The following CCDC12 variants were observed in gnomAD, a reference collection of about 807,000 sequenced individuals.
CCDC12 encodes the protein coiled-coil domain-containing protein 12.
In CCDC12, 28 loss-of-function variants were observed where a neutral mutation model predicts 25.7. The ratio of observed to expected loss-of-function variants is 1.09; its 90% confidence interval spans 0.81 to 1.50. The LOEUF is 1.50. Among genes scored for constraint, CCDC12 ranks in the 40% most tolerant of loss-of-function variants. The pLI, the probability that CCDC12 is intolerant of heterozygous loss-of-function variation, is 0.00. For synonymous variants in CCDC12, 75 were observed against 87.7 expected (o/e 0.86, Z 0.81); for missense variants, 198 against 210.0 (o/e 0.94, Z 0.35).
chr3:46,943,419 G>T (rs527891510), intron 1 of CCDC12, among the ~76,000 whole-genome samples: 21 of 152,328 alleles, frequency 1.4e-4, no homozygotes, highest in East Asian at 9.7e-4. Context: ...CCTGCCCTGG[G>T]TAAGGGCAGA....
At chr3:46,959,519 G>C (rs766415837) in intron 1 of CCDC12, among the ~76,000 whole-genome samples, 13 of 152,132 alleles carry the variant, frequency 8.5e-5, no homozygotes, top group Non-Finnish European at 1.3e-4. Context: ...CGTGACAAAG[G>C]GGTCACATAA....
chr3:46,957,739 C>T (rs996971945), intron 1 of CCDC12, among the ~76,000 whole-genome samples: 1 of 151,990 alleles, frequency 6.6e-6, no homozygotes, highest in Non-Finnish European at 1.5e-5. Context: ...GTCAGGAGTT[C>T]GAGACCAGGC....
Position 46,921,791 on chromosome 3 carries a change from T to C in CCDC12, c.*266A>G, listed in dbSNP as rs1221461401. The C allele has an allele frequency of 4.3e-6, 2 of 469,400 alleles. No homozygotes were observed. The highest frequency in any genetic ancestry group is 7.6e-6 in the Non-Finnish European group (2 of 264,306). 29.1% of individuals were successfully genotyped at this position (469,400 alleles called of 1,614,324 possible). On this transcript the variant is annotated 3_prime_UTR_variant, in exon 7 of 7. Transcript: ENST00000683445. ...ATTTTTTTTTAGAAAGTTCAAAATA[T>C]ATACATATATACAGACATATGTACA... is the stretch of plus-strand genomic sequence containing the variant.
chr3:46,922,202 G>A (rs1049791212), intron 6 of CCDC12, 34 bp downstream of exon 6: 1 of 1,614,070 alleles, frequency 6.2e-7, no homozygotes. Flanking sequence ...CCACCCAGTG[G>A]GCAGGACCCC....
chr3:46,972,322 A>T (rs953769632), intron 1 of CCDC12, among the ~76,000 whole-genome samples: 6 of 152,140 alleles, frequency 3.9e-5, no homozygotes, highest in South Asian at 2.1e-4. Flanking sequence ...ATTAATTTTT[A>T]AAAAAATGAC....
chr3:46,955,758 G>A (rs2385869), intron 1 of CCDC12, among the ~76,000 whole-genome samples: 144,783 of 152,330 alleles, frequency 0.95, 69,262 homozygotes, highest in East Asian at 1. Flanking sequence ...GGGGCCCCCC[G>A]AAAAACAAGC....
chr3:46,963,823 C>T (rs1373850772), intron 1 of CCDC12, among the ~76,000 whole-genome samples: 1 of 152,262 alleles, frequency 6.6e-6, no homozygotes, highest in African/African-American at 2.4e-5. Context: ...CACCTCCCAG[C>T]CGCCTGCCTT....
At chr3:46,938,019 A>T (rs2033521781) in intron 2 of CCDC12, among the ~76,000 whole-genome samples, 1 of 152,210 alleles carries the variant, frequency 6.6e-6, no homozygotes, top group African/African-American at 2.4e-5. Flanking sequence ...CCACCTGCCC[A>T]AAGTCTCTAG....
At chr3:46,975,730 A>G (rs964871038) in intron 1 of CCDC12, among the ~76,000 whole-genome samples, 1 of 147,892 alleles carries the variant, frequency 6.8e-6, no homozygotes, top group Non-Finnish European at 1.5e-5. Flanking sequence ...ACAGAGTTTC[A>G]CCGTGTTAGC....
At chr3:46,976,363 C>T (rs2034988757) in intron 1 of CCDC12, 4 of 1,367,884 alleles carry the variant, frequency 2.9e-6, no homozygotes, top group Non-Finnish European at 2.8e-6. Context: ...ACGAGCAACA[C>T]CCGGGAAGCA....
intron 1 of CCDC12, among the ~76,000 whole-genome samples, chr3:46,974,995 C>T (rs927613540): frequency 1.3e-5 from 2 of 152,196 alleles, no homozygotes; most frequent in African/African-American, 4.8e-5. Context: ...AAAAAGCAAA[C>T]TAGGGTTTGC....
Position 46,976,561 on chromosome 3 carries a change from C to G in CCDC12, c.96+76G>C. ...CGGCAGCTGTCTTTCCTTATTAGCC[C>G]TTTGCTCTCCTCAAGCGCGACCCGG... On this transcript the variant is annotated intron_variant, in intron 1 of 6. Coordinates refer to ENST00000683445, the MANE Select transcript of CCDC12 (RefSeq NM_001277074.2). The G allele has an allele frequency of 1.9e-6, 3 of 1,542,012 alleles. No individual in the cohort carries two copies. The South Asian group carries it at 3.6e-5, about 18-fold the overall frequency.
In CCDC12 at chr3:46,946,916, A is replaced by G. The variant is rs57341796; in HGVS notation, c.97-5851T>C. Among the ~76,000 whole-genome samples, 317 of 152,310 alleles carry G rather than the reference A, an allele frequency of 2.1e-3. 3 individuals are homozygous for G. Among genetic ancestry groups the G allele is most frequent in the African/African-American group, 7.3e-3 (305 of 41,560 alleles). ...CTCAAACTTTTAGGAGCTGCTGACTAGAGCTCTCCCTTCCAGAAGGAAATA... is the reference window on the plus strand; with the variant it reads ...CTCAAACTTTTAGGAGCTGCTGACTGGAGCTCTCCCTTCCAGAAGGAAATA... On this transcript the variant is annotated intron_variant, in intron 1 of 6. Transcript: ENST00000683445.
chr3:46,960,965 G>A (rs1204638550), intron 1 of CCDC12, among the ~76,000 whole-genome samples: 1 of 152,024 alleles, frequency 6.6e-6, no homozygotes, highest in African/African-American at 2.4e-5. Context: ...GGGGGCATGT[G>A]GAGGGGTGCT....
intron 1 of CCDC12, among the ~76,000 whole-genome samples, chr3:46,975,679 C>T (rs1463120906): frequency 4.0e-5 from 6 of 151,704 alleles, no homozygotes; most frequent in Admixed American, 3.9e-4. Flanking sequence ...CACAGGCACC[C>T]GCCACCACGC....
chr3:46,921,856 G>A lies in CCDC12; in HGVS notation c.*201C>T. The A allele has an allele frequency of 1.7e-6, 1 of 605,678 alleles. No individual in the cohort carries two copies. Among genetic ancestry groups the A allele is most frequent in the East Asian group, 2.8e-5 (1 of 36,238 alleles). 37.5% of individuals were successfully genotyped at this position (605,678 alleles called of 1,614,324 possible). Reference sequence around the variant, plus strand: ...CACAGGCACGCCCAGAGTTGTTGCTGGTTCTGCCTCCATTCAGAATGGCAG... The same window carrying A: ...CACAGGCACGCCCAGAGTTGTTGCTAGTTCTGCCTCCATTCAGAATGGCAG... On this transcript the variant is annotated 3_prime_UTR_variant, in exon 7 of 7. Transcript: ENST00000683445.
At position 46,938,532 on chromosome 3, in the gene CCDC12, T is replaced by TG. The variant is rs1363394103; in HGVS notation, c.164+2465_164+2466insC. The stretch of plus-strand genomic sequence containing the variant: ...GTTCCCCTCCTGTTTTTTTTTTTTT[T>TG]TTTTTTTTTTTGGTACAACAAAATC... On this transcript the variant is annotated intron_variant, in intron 2 of 6. Coordinates refer to ENST00000683445, the MANE Select transcript of CCDC12 (RefSeq NM_001277074.2). Among the ~76,000 whole-genome samples the TG allele has an allele frequency of 2.0e-4, 29 of 146,866 alleles. No homozygotes were observed. The South Asian group carries it at 5.8e-3, about 30-fold the overall frequency.
intron 1 of CCDC12, among the ~76,000 whole-genome samples, chr3:46,965,749 C>CT (rs2034618176): frequency 6.6e-6 from 1 of 152,216 alleles, no homozygotes; most frequent in East Asian, 1.9e-4. Flanking sequence ...AAGGGATTGG[C>CT]CCTGTGTGAT....
At chr3:46,967,115 T>C (rs1003220902) in intron 1 of CCDC12, among the ~76,000 whole-genome samples, 3 of 152,092 alleles carry the variant, frequency 2.0e-5, no homozygotes, top group Non-Finnish European at 4.4e-5. Context: ...ATGTCTCTCT[T>C]CGCTTACCTG....
Sources: gnomAD v4.1 joint callset for allele counts (sites outside exome capture counted in the v4.1 genomes callset) on GRCh38, gnomAD v4.1.1 for gene constraint, MANE v1.5 for transcripts, NCBI Gene and HGNC (gene_info 2026-07-23, HGNC 2026-07-21) for gene names.